Variants in TMEM178B observed in about 807,000 individuals in gnomAD.
The protein encoded by TMEM178B is transmembrane protein 178B.
Under a neutral mutation model 31.0 loss-of-function variants are expected in TMEM178B, and 5 were observed. The ratio of observed to expected loss-of-function variants is 0.16; its 90% CI spans 0.08 to 0.34. The LOEUF is 0.34. TMEM178B is among the 10% of genes least tolerant of loss of function. The pLI is 1.00. For synonymous variants in TMEM178B, 164 were observed against 164.0 expected, an observed-to-expected ratio of 1.00 and a Z score of 0.00; for missense variants, 275 against 400.3, an observed-to-expected ratio of 0.69 and a Z score of 2.67.
At chr7:141,391,166 A>G (rs1800530722) in intron 2 of TMEM178B, among the ~76,000 whole-genome samples, 1 of 148,856 alleles carries the variant, frequency 6.7e-6, no homozygotes, top group African/African-American at 2.5e-5. Flanking sequence ...TTGTTCTTTC[A>G]ACCCCCTGCT....
Position 141,074,469 on chromosome 7 carries a change from C to G in TMEM178B, c.159C>G (p.Pro53=), listed in dbSNP as rs761544415. The G allele has an allele frequency of 2.6e-6, 4 of 1,536,084 alleles. No homozygotes were observed. The highest frequency in any genetic ancestry group is 3.9e-5 in the Admixed American group (2 of 51,010). ...CCTTCAACACCCGCCGGGTCGACCC[C>G]GGCTTCATTTACAACAATAACAACA... ...CKAFNTRRVD[P]GFIYNNNNNL... is the part of the protein sequence containing the mutation. The change falls in exon 1 of 4, where the codon CCC becomes CCG. Residue 53 remains proline, a synonymous_variant. Coordinates refer to ENST00000565468, the MANE Select transcript of TMEM178B (RefSeq NM_001195278.2). This position sits in a 1 kb window ranked among gnomAD's most constrained non-coding sequence, Gnocchi z 5.1.
intron 2 of TMEM178B, among the ~76,000 whole-genome samples, chr7:141,321,764 C>T (rs1185025329): frequency 6.6e-6 from 1 of 151,720 alleles, no homozygotes; most frequent in Non-Finnish European, 1.5e-5. Flanking sequence ...TTAAAATCAG[C>T]TTTTAAAGAA....
At chr7:141,206,786 A>G (rs1796974302) in intron 1 of TMEM178B, among the ~76,000 whole-genome samples, 2 of 148,370 alleles carry the variant, frequency 1.3e-5, no homozygotes, top group Non-Finnish European at 3.0e-5. Flanking sequence ...TTTTGCTGTT[A>G]ATGTAGTAAG....
intron 2 of TMEM178B, among the ~76,000 whole-genome samples, chr7:141,329,593 G>T (rs912743493): frequency 1.3e-5 from 2 of 152,168 alleles, no homozygotes; most frequent in Non-Finnish European, 2.9e-5. Context: ...TTGTTCAAAA[G>T]AATGGAAAAA....
At chr7:141,453,344 T>A (rs1372966895) in intron 3 of TMEM178B, among the ~76,000 whole-genome samples, 1 of 152,250 alleles carries the variant, frequency 6.6e-6, no homozygotes, top group Non-Finnish European at 1.5e-5. Flanking sequence ...TCTGCTAAAG[T>A]GACATAAATT....
chr7:141,256,684 TC>T (rs1457989159), intron 2 of TMEM178B, among the ~76,000 whole-genome samples: 1 of 152,086 alleles, frequency 6.6e-6, no homozygotes, highest in Non-Finnish European at 1.5e-5. Flanking sequence ...GAGAATTTTG[TC>T]TTAAGGGAGA....
chr7:141,149,559 C>A (rs1795923941), intron 1 of TMEM178B, among the ~76,000 whole-genome samples: 1 of 152,066 alleles, frequency 6.6e-6, no homozygotes. Context: ...ACAACAACAA[C>A]AACAGGTCCT....
At chr7:141,505,405 C>T in the TMEM178B span, among the ~76,000 whole-genome samples, 1 of 152,188 alleles carries the variant, frequency 6.6e-6, no homozygotes, top group Non-Finnish European at 1.5e-5. Context: ...ATATCTGCTC[C>T]CCTGCTCATT....
chr7:141,501,066 GCATCTA>G, the TMEM178B span, among the ~76,000 whole-genome samples: 1 of 152,202 alleles, frequency 6.6e-6, no homozygotes, highest in African/African-American at 2.4e-5. Context: ...TATCTCTAAA[GCATCTA>G]CATCTTGTTG....
At chr7:141,131,485 GC>G (rs1465205415) in intron 1 of TMEM178B, among the ~76,000 whole-genome samples, 1 of 152,048 alleles carries the variant, frequency 6.6e-6, no homozygotes, top group Non-Finnish European at 1.5e-5. Flanking sequence ...CCTTCTCCCA[GC>G]CCCAACCAAT....
rs551567300 is a variant in TMEM178B at position 141,094,177 on chromosome 7, G to GA, written c.382+19493dup. Among the ~76,000 whole-genome samples, 438 of 151,676 alleles carry GA rather than the reference G, an allele frequency of 2.9e-3. 3 individuals carry two copies. The highest frequency in any genetic ancestry group is 0.01 in the African/African-American group (416 of 41,358). On this transcript the variant is annotated intron_variant, in intron 1 of 3. Coordinates refer to ENST00000565468, the MANE Select transcript of TMEM178B (RefSeq NM_001195278.2). ...AGGGTTGAAGTAGGAAGGAAGGTGG[G>GA]AAAAAAAAGATGGAAGGAAATGAAC... is the stretch of plus-strand genomic sequence containing the variant.
chr7:141,361,961 C>T (rs990845811), intron 2 of TMEM178B, among the ~76,000 whole-genome samples: 2 of 152,222 alleles, frequency 1.3e-5, no homozygotes, highest in African/African-American at 4.8e-5. Context: ...CTTTGTGACA[C>T]TTTCAAACTC....
intron 1 of TMEM178B, among the ~76,000 whole-genome samples, chr7:141,157,443 GCA>G (rs927252197): frequency 1.7e-4 from 25 of 150,404 alleles, no homozygotes; most frequent in African/African-American, 4.9e-4. Flanking sequence ...ACACACACAC[GCA>G]CACACACACG....
chr7:141,492,677 C>T, the TMEM178B span, among the ~76,000 whole-genome samples: 1 of 152,174 alleles, frequency 6.6e-6, no homozygotes, highest in Admixed American at 6.5e-5. Context: ...GTTCCTTCCA[C>T]CTTCGTTTCA....
chr7:141,100,735 A>G (rs1324514266), intron 1 of TMEM178B, among the ~76,000 whole-genome samples: 1 of 152,224 alleles, frequency 6.6e-6, no homozygotes, highest in Non-Finnish European at 1.5e-5. Flanking sequence ...AATGTAGAAT[A>G]TATATATGCA....
At chr7:141,229,100 G>GGCGTGTGTGT (rs1554465448) in intron 2 of TMEM178B, among the ~76,000 whole-genome samples, 7 of 134,782 alleles carry the variant, frequency 5.2e-5, no homozygotes, top group Non-Finnish European at 1.1e-4. Context: ...GTGTGTGTGT[G>GGCGTGTGTGT]GTGTGTGTGT....
At chr7:141,217,223 G>A (rs1210161315) in intron 2 of TMEM178B, among the ~76,000 whole-genome samples, 2 of 152,188 alleles carry the variant, frequency 1.3e-5, no homozygotes, top group African/African-American at 2.4e-5. Context: ...AGCTCCTGAG[G>A]CCATCCCCAG....
At chr7:141,223,479 C>CTTTTTTTTTTTTTTTTTT (rs10680431) in intron 2 of TMEM178B, among the ~76,000 whole-genome samples, 2 of 131,142 alleles carry the variant, frequency 1.5e-5, no homozygotes, top group Admixed American at 7.6e-5. Flanking sequence ...TGTTTTCACT[C>CTTTTTTTTTTTTTTTTTT]TTTTTTTTTT....
At chr7:141,207,652 T>C (rs116808608) in intron 1 of TMEM178B, among the ~76,000 whole-genome samples, 2,039 of 152,300 alleles carry the variant, frequency 0.013, 44 homozygotes, top group African/African-American at 0.047. Context: ...GCTGTTGGGT[T>C]AAATTGTCCT....
Sources: allele counts gnomAD v4.1 joint callset (sites outside exome capture counted in the v4.1 genomes callset), GRCh38; gene constraint gnomAD v4.1.1; non-coding constraint Gnocchi (gnomAD v3.1); transcripts MANE v1.5; gene names NCBI Gene and HGNC (gene_info 2026-07-23, HGNC 2026-07-21).